The following NTN1 variants were observed in gnomAD, a reference collection of about 807,000 sequenced individuals.
NTN1 encodes netrin 1.
In NTN1, 11 loss-of-function variants were observed where a neutral mutation model predicts 54.2. The ratio of observed to expected loss-of-function variants is 0.20; its 90% confidence interval spans 0.13 to 0.34. The LOEUF is 0.34. Among genes scored for constraint, NTN1 ranks in the 10% least tolerant of loss-of-function variants. NTN1 has a pLI of 1.00. For missense variants in NTN1, 740 were observed against 893.1 expected, an observed-to-expected ratio of 0.83 and a Z score of 2.18; for synonymous variants, 371 against 382.0, an observed-to-expected ratio of 0.97 and a Z score of 0.33.
At chr17:9,155,021 C>T (rs117304223) in intron 2 of NTN1, among the ~76,000 whole-genome samples, 2,226 of 152,310 alleles carry the variant, frequency 0.015, 29 homozygotes, top group Non-Finnish European at 0.02. Flanking sequence ...ACCATATGCA[C>T]GTTACAGTTG....
At chr17:9,233,983 GC>G (rs2142373535) in intron 6 of NTN1, among the ~76,000 whole-genome samples, 1 of 152,206 alleles carries the variant, frequency 6.6e-6, no homozygotes, top group Admixed American at 6.5e-5. Context: ...CTGCCTCCTA[GC>G]CCCCTGCCCC....
chr17:9,050,874 G>A (rs1321861704), intron 2 of NTN1, among the ~76,000 whole-genome samples: 1 of 152,074 alleles, frequency 6.6e-6, no homozygotes, highest in Admixed American at 6.5e-5. Context: ...GGAAATGCTG[G>A]CCCTCCCCTG....
chr17:9,230,061 G>C (rs1177249173), intron 6 of NTN1, among the ~76,000 whole-genome samples: 7 of 56,928 alleles, frequency 1.2e-4, no homozygotes, highest in African/African-American at 5.2e-4. Flanking sequence ...GCAAATGACG[G>C]ACTCTTCCCC....
At chr17:9,110,588 C>G (rs2142250854) in intron 2 of NTN1, among the ~76,000 whole-genome samples, 1 of 152,172 alleles carries the variant, frequency 6.6e-6, no homozygotes, top group Middle Eastern at 3.4e-3. Context: ...TGCCTCTTTT[C>G]TATCTAGGTG....
chr17:9,230,093 T>C lies in NTN1; in HGVS notation c.1486+8851T>C, dbSNP rs115532803. 4.0e-3 allele frequency among the ~76,000 whole-genome samples: 608 copies of C among 152,280 alleles called. 6 individuals are homozygous for C. The highest frequency in any genetic ancestry group is 0.012 in the African/African-American group (514 of 41,544). On this transcript the variant is annotated intron_variant, in intron 6 of 6. Transcript: ENST00000173229. The stretch of plus-strand genomic sequence containing the variant: ...CCCCCTCAGCAGCACCCTCTCTCCT[T>C]TTCTTGACCTTGGAGTCAATGGCTA...
intron 2 of NTN1, among the ~76,000 whole-genome samples, chr17:9,089,785 C>A (rs919805551): frequency 6.6e-6 from 1 of 152,204 alleles, no homozygotes; most frequent in African/African-American, 2.4e-5. Context: ...TGCCTGTGAT[C>A]ATCTTTTTCC....
At chr17:9,062,114 A>C (rs1189890663) in intron 2 of NTN1, among the ~76,000 whole-genome samples, 2 of 152,196 alleles carry the variant, frequency 1.3e-5, no homozygotes, top group Non-Finnish European at 2.9e-5. Context: ...TTCCTGAATC[A>C]ATCTTGCATC....
intron 2 of NTN1, 106 bp downstream of exon 2, chr17:9,023,497 G>A (rs887363335): frequency 2.0e-5 from 25 of 1,266,438 alleles, no homozygotes; most frequent in Non-Finnish European, 2.5e-5. Flanking sequence ...GGGAACGGCG[G>A]GAGGCGCGTT....
At chr17:9,110,876 C>T (rs2142251147) in intron 2 of NTN1, among the ~76,000 whole-genome samples, 1 of 150,658 alleles carries the variant, frequency 6.6e-6, no homozygotes, top group South Asian at 2.1e-4. Flanking sequence ...CTGCATGTGT[C>T]TTTCCCTTTT....
intron 2 of NTN1, among the ~76,000 whole-genome samples, chr17:9,029,622 T>C (rs1021543860): frequency 6.6e-6 from 1 of 152,244 alleles, no homozygotes; most frequent in African/African-American, 2.4e-5. Flanking sequence ...GTGAGCTCAG[T>C]ATTGCATTCC....
chr17:9,226,922 C>T lies in NTN1; in HGVS notation c.1486+5680C>T, dbSNP rs368820259. ...CTGAAACCACAGCCCCGGAAACCAC[C>T]GCCAGGGAACTGGAGCATCCCAGCC... On this transcript the variant is annotated intron_variant, in intron 6 of 6. Coordinates refer to ENST00000173229, the MANE Select transcript of NTN1 (RefSeq NM_004822.3). Among the ~76,000 whole-genome samples the T allele has an allele frequency of 4.6e-5, 7 of 152,074 alleles. No individual in the cohort carries two copies. In the East Asian group the frequency reaches 7.7e-4, roughly 17 times the overall value.
At chr17:9,010,317 T>G in the NTN1 span, among the ~76,000 whole-genome samples, 1 of 152,220 alleles carries the variant, frequency 6.6e-6, no homozygotes, top group East Asian at 1.9e-4. Context: ...ACTTCTGGAC[T>G]GTGATCTGGG....
intron 6 of NTN1, among the ~76,000 whole-genome samples, chr17:9,227,805 A>C (rs1438972096): frequency 2.3e-5 from 3 of 131,388 alleles, no homozygotes; most frequent in African/African-American, 8.3e-5. Context: ...ACACATTCAC[A>C]CACTATCCCA....
chr17:9,016,072 T>TA, the NTN1 span, among the ~76,000 whole-genome samples: 4,867 of 145,980 alleles, frequency 0.033, 222 homozygotes, highest in African/African-American at 0.11. Context: ...AAAATTTATC[T>TA]AAAAAAAAAA....
At chr17:9,054,812 C>T (rs781240805) in intron 2 of NTN1, among the ~76,000 whole-genome samples, 6 of 151,668 alleles carry the variant, frequency 4.0e-5, no homozygotes, top group Admixed American at 3.3e-4. Flanking sequence ...GGCAGCACAG[C>T]GAAAGCTTTG....
intron 5 of NTN1, among the ~76,000 whole-genome samples, chr17:9,209,727 A>G (rs1317675408): frequency 6.6e-6 from 1 of 152,212 alleles, no homozygotes; most frequent in Non-Finnish European, 1.5e-5. Context: ...AAGAGGACCC[A>G]GTGCTTCAGT....
chr17:9,197,629 C>T (rs147035516), intron 5 of NTN1, among the ~76,000 whole-genome samples: 2,826 of 145,188 alleles, frequency 0.019, 89 homozygotes, highest in African/African-American at 0.068. Flanking sequence ...CACTGCACTC[C>T]GGCCTGGGTG....
intron 2 of NTN1, among the ~76,000 whole-genome samples, chr17:9,146,849 T>C (rs1053525363): frequency 2.6e-5 from 4 of 152,186 alleles, no homozygotes; most frequent in Admixed American, 6.5e-5. Flanking sequence ...GCACTGGGGT[T>C]GCTTACTGTC....
intron 2 of NTN1, among the ~76,000 whole-genome samples, chr17:9,146,918 C>T (rs746100128): frequency 2.0e-5 from 3 of 152,028 alleles, no homozygotes; most frequent in African/African-American, 4.8e-5. Context: ...GGTAATACCC[C>T]GGCATCGGTG....
Sources: gnomAD v4.1 joint callset for allele counts (sites outside exome capture counted in the v4.1 genomes callset) on GRCh38, gnomAD v4.1.1 for gene constraint, MANE v1.5 for transcripts, NCBI Gene and HGNC (gene_info 2026-07-23, HGNC 2026-07-21) for gene names.